Variants in SLC27A1 observed in about 807,000 individuals in gnomAD.
SLC27A1 encodes the protein long-chain fatty acid transport protein 1.
In SLC27A1, 61 loss-of-function variants were observed where a neutral mutation model predicts 62.2. That is an observed-to-expected ratio of 0.98 (90% CI 0.80 to 1.21). The LOEUF (loss-of-function observed/expected upper bound fraction) is 1.21. Ranked by LOEUF, SLC27A1 falls within the 50% of genes most tolerant of loss-of-function variation. SLC27A1 has a pLI of 0.00. For missense variants in SLC27A1, 903 were observed against 932.1 expected (o/e 0.97, Z 0.41); for synonymous variants, 435 against 408.6 (o/e 1.06, Z -0.78).
At chr19:17,490,306 C>T (rs758744014) in intron 6 of SLC27A1, among the ~76,000 whole-genome samples, 29 of 151,928 alleles carry the variant, frequency 1.9e-4, no homozygotes, top group Admixed American at 1.4e-3. Flanking sequence ...TGCGCACCAC[C>T]ACGCCTGGCC....
At chr19:17,503,354 C>A (rs1358885336) in intron 11 of SLC27A1, 1 of 152,200 alleles carries the variant, frequency 6.6e-6, no homozygotes, top group African/African-American at 2.4e-5. Flanking sequence ...GCTTTGCAGG[C>A]CATACAGCCT....
rs1347206763 is a variant in SLC27A1, at chr19:17,501,372, A to C, written c.1736A>C (p.Tyr579Ser). Residue 579 changes from tyrosine (Y) to serine (S), a missense_variant, in exon 11 of 12, where the codon TAT becomes TCT. Physicochemically the swap from Tyr to Ser is moderately radical, Grantham distance 144 (BLOSUM62 -2). Transcript: ENST00000252595. The stretch of plus-strand genomic sequence containing the variant: ...GAGCTGCAGAAGGTGCTGGCACCCT[A>C]TGCCCGGCCCATCTTCCTGCGCCTC... ...YQELQKVLAPYARPIFLRLLP... is the reference protein window; with the variant it reads ...YQELQKVLAPSARPIFLRLLP... 1.2e-6 allele frequency: 2 copies of C among 1,613,754 alleles called. No individual in the cohort carries two copies. Among genetic ancestry groups the C allele is most frequent in the Admixed American group, 3.3e-5 (2 of 59,982 alleles).
At chr19:17,477,100 G>A (rs577769350) in intron 1 of SLC27A1, among the ~76,000 whole-genome samples, 2 of 152,040 alleles carry the variant, frequency 1.3e-5, no homozygotes, top group African/African-American at 4.8e-5. Flanking sequence ...TGTTGGCCAG[G>A]CTGGTCTCGA....
Position 17,487,494 on chromosome 19 carries a change from C to T in SLC27A1, c.759C>T (p.Thr253=), listed in dbSNP as rs766994404. 3 of 1,611,378 alleles carry T rather than the reference C, an allele frequency of 1.9e-6. No individual in the cohort carries two copies. Among genetic ancestry groups the T allele is most frequent in the Admixed American group, 3.3e-5 (2 of 59,952 alleles). ...TCTACATCTACACGTCGGGGACCAC[C>T]GGGCTGCCCAAGGCTGCCATTGTCG... is the stretch of plus-strand genomic sequence containing the variant. ...RLFYIYTSGT[T]GLPKAAIVVH... is the part of the protein sequence containing the mutation. The change falls in exon 4 of 12, where the codon ACC becomes ACT. Residue 253 remains threonine (T), a synonymous_variant. Coordinates refer to ENST00000252595, the MANE Select transcript of SLC27A1 (RefSeq NM_198580.3).
At chr19:17,470,791 C>T (rs1599634749) in intron 1 of SLC27A1, 84 bp downstream of exon 1, 4 of 980,648 alleles carry the variant, frequency 4.1e-6, no homozygotes, top group Non-Finnish European at 4.9e-6. Context: ...GTTGCGGGGA[C>T]GGCTTGGAGG....
At chr19:17,490,716 A>C (rs957626593) in intron 6 of SLC27A1, among the ~76,000 whole-genome samples, 3 of 152,124 alleles carry the variant, frequency 2.0e-5, no homozygotes, top group Non-Finnish European at 2.9e-5. Context: ...TGAAATTCAT[A>C]TAAATTAGCC....
At chr19:17,480,735 T>A (rs1428991374) in intron 1 of SLC27A1, among the ~76,000 whole-genome samples, 1 of 151,882 alleles carries the variant, frequency 6.6e-6, no homozygotes, top group Non-Finnish European at 1.5e-5. Context: ...TTTGTTGCAT[T>A]GGTATATTGT....
rs1200368219 is a variant in SLC27A1 at position 17,505,830 on chromosome 19, G to A, written c.*1218G>A. The A allele has an allele frequency of 1.3e-5, 2 of 152,572 alleles. No individual in the cohort carries two copies. Among genetic ancestry groups the A allele is most frequent in the African/African-American group, 4.8e-5 (2 of 41,452 alleles). The allele number at this position is 152,572 out of a possible 1,614,324, so 9.5% of individuals were successfully genotyped here. A position where few individuals can be genotyped will look rare whatever the true frequency, so the allele number is the denominator to read the frequency against. ...GGGGGTTGGCCTCTCAAGCCTCAGG[G>A]GTTCTAGCCTGTTGAATATACCCCA... is the stretch of plus-strand genomic sequence containing the variant. On this transcript the variant is annotated 3_prime_UTR_variant, in exon 12 of 12. Coordinates refer to ENST00000252595, the MANE Select transcript of SLC27A1 (RefSeq NM_198580.3).
intron 6 of SLC27A1, among the ~76,000 whole-genome samples, chr19:17,493,981 GC>G (rs993465473): frequency 5.3e-5 from 8 of 150,572 alleles, no homozygotes; most frequent in Admixed American, 5.3e-4. Flanking sequence ...GGATGGTGGA[GC>G]CCCCAGGGTG....
intron 7 of SLC27A1, chr19:17,498,599 C>A (rs556824688): frequency 2.0e-4 from 41 of 202,856 alleles, no homozygotes; most frequent in South Asian, 1.7e-4. Context: ...TGTGCGGAGA[C>A]GAGAGATTGT....
In SLC27A1 at chr19:17,500,514, G is replaced by T; in HGVS notation, c.1353G>T (p.Val451=). 10 of 1,613,646 alleles carry T rather than the reference G, an allele frequency of 6.2e-6. No homozygotes were observed. The highest frequency in any genetic ancestry group is 7.6e-6 in the Non-Finnish European group (9 of 1,179,850). ...CCCTAGGGGAGCCTGGCCTCCTTGT[G>T]GGTCAGATCAACCAACAGGACCCGC... The part of the protein sequence containing the change: ...PCQAGEPGLL[V]GQINQQDPLR... Residue 451 remains valine (V), a synonymous_variant, in exon 9 of 12, where the codon GTG becomes GTT. Coordinates refer to ENST00000252595, the MANE Select transcript of SLC27A1 (RefSeq NM_198580.3).
chr19:17,488,467 C>T (rs2075260033), intron 4 of SLC27A1, among the ~76,000 whole-genome samples: 1 of 152,182 alleles, frequency 6.6e-6, no homozygotes, highest in African/African-American at 2.4e-5. Flanking sequence ...CCTCCTCAGC[C>T]CCCCAAACTC....
Position 17,497,337 on chromosome 19 carries a change from T to A in SLC27A1, c.1079T>A (p.Leu360Gln). The A allele has an allele frequency of 6.2e-7, 1 of 1,602,960 alleles. No homozygotes were observed. The highest frequency in any genetic ancestry group is 8.5e-7 in the Non-Finnish European group (1 of 1,176,690). ...GCGGAGAGGCGACACCGCGTGCGCC[T>A]GGCGGTGGGGAACGGGCTGCGTCCT... is the stretch of plus-strand genomic sequence containing the variant. ...REAERRHRVRLAVGNGLRPAI... is the reference protein window; with the variant it reads ...REAERRHRVRQAVGNGLRPAI... Residue 360 changes from leucine to glutamine, a missense_variant, in exon 7 of 12, where the codon CTG (leucine) becomes CAG (glutamine). Physicochemically the swap from Leu to Gln is moderately radical, Grantham distance 113. Coordinates refer to ENST00000252595, the MANE Select transcript of SLC27A1 (RefSeq NM_198580.3).
At chr19:17,470,476 G>C (rs1431359117), upstream of SLC27A1, 1 of 1,433,470 alleles carries the variant, frequency 7.0e-7, no homozygotes, top group Non-Finnish European at 9.1e-7. Context: ...GCGGTCGTGG[G>C]GCGGAGCGGG....
rs578091570 is a variant in SLC27A1, at chr19:17,500,611, G to A, written c.1450G>A (p.Gly484Ser). 1.8e-4 allele frequency: 283 copies of A among 1,613,772 alleles called. 1 individual carries two copies. The highest frequency in any genetic ancestry group is 7.5e-5 in the Non-Finnish European group (89 of 1,179,996). The change falls in exon 9 of 12, where the codon GGC becomes AGC. Residue 484 changes from glycine to serine, a missense_variant. By Grantham distance (56) the Gly-to-Ser change is moderately conservative. Coordinates refer to ENST00000252595, the MANE Select transcript of SLC27A1 (RefSeq NM_198580.3). ...KKIAHSVFSK[G>S]DSAYLSGDVL... The stretch of plus-strand genomic sequence containing the variant: ...GATCGCCCACAGCGTCTTCAGCAAG[G>A]GCGACAGCGCCTACCTCTCAGGTGC...
Position 17,500,783 on chromosome 19 carries a change from C to T in SLC27A1, c.1543C>T (p.Arg515Ter), listed in dbSNP as rs762073668. ...CCGTAGCGGGGACACCTTCCGCTGG[C>T]GAGGGGAGAACGTCTCCACCACCGA... ...RDRSGDTFRW[R>*]GENVSTTEVE... The change falls in exon 10 of 12, where the codon CGA (arginine) becomes TGA (stop). Residue 515 changes from arginine (R) to a stop codon, truncating the protein, a stop_gained. Transcript: ENST00000252595. LOFTEE classifies it high-confidence loss of function. 9.9e-6 allele frequency: 16 copies of T among 1,612,670 alleles called. No individual in the cohort carries two copies. The highest frequency in any genetic ancestry group is 2.7e-5 in the African/African-American group (2 of 74,850).
Position 17,486,682 on chromosome 19 carries a change from T to C in SLC27A1, c.287T>C (p.Val96Ala). 1 of 1,610,968 alleles carries C rather than the reference T, an allele frequency of 6.2e-7. No individual in the cohort carries two copies. The highest frequency in any genetic ancestry group is 8.5e-7 in the Non-Finnish European group (1 of 1,179,614). Residue 96 changes from valine (V) to alanine (A), a missense_variant, in exon 2 of 12, where the codon GTG becomes GCG. Coordinates refer to ENST00000252595, the MANE Select transcript of SLC27A1 (RefSeq NM_198580.3). This position sits in a 1 kb window ranked among gnomAD's most constrained non-coding sequence, Gnocchi z 6.6. Reference sequence around the variant, plus strand: ...CGACAGCCCGAGCGCCTGGCGCTGGTGGATGCCGGGACCGGCGAGTGCTGG... The same window carrying C: ...CGACAGCCCGAGCGCCTGGCGCTGGCGGATGCCGGGACCGGCGAGTGCTGG... ...VQRQPERLAL[V>A]DAGTGECWTF... is the part of the protein sequence containing the mutation.
intron 1 of SLC27A1, among the ~76,000 whole-genome samples, chr19:17,477,529 C>G (rs1201003785): frequency 6.6e-6 from 1 of 150,464 alleles, no homozygotes; most frequent in Non-Finnish European, 1.5e-5. Flanking sequence ...CAGGCATGAC[C>G]CACCGTGCCT....
chr19:17,500,235 C>T (rs1357262607), intron 7 of SLC27A1, 43 bp from the exon 8 acceptor site: 9 of 1,599,790 alleles, frequency 5.6e-6, no homozygotes, highest in Admixed American at 1.7e-5. Flanking sequence ...AGAAGGACCC[C>T]GCATATCCCC....
Sources: allele counts gnomAD v4.1 joint callset (sites outside exome capture counted in the v4.1 genomes callset), GRCh38; gene constraint gnomAD v4.1.1; non-coding constraint Gnocchi (gnomAD v3.1); transcripts MANE v1.5; gene names NCBI Gene and HGNC (gene_info 2026-07-23, HGNC 2026-07-21).